Variants in KATNBL1 observed in about 807,000 individuals in gnomAD.
KATNBL1 encodes the protein KATNB1-like protein 1.
Under a neutral mutation model 44.7 loss-of-function variants are expected in KATNBL1, and 28 were observed. That is an observed-to-expected ratio of 0.63 (90% confidence interval 0.46 to 0.86). The LOEUF is 0.86. Among genes scored for constraint, KATNBL1 ranks in the 40% least tolerant of loss-of-function variants. The pLI, the probability that KATNBL1 is intolerant of heterozygous loss-of-function variation, is 0.00. For missense variants in KATNBL1, 272 were observed against 350.7 expected, an observed-to-expected ratio of 0.78 and a Z score of 1.79; for synonymous variants, 78 against 114.9, an observed-to-expected ratio of 0.68 and a Z score of 2.06.
rs58951561 is a variant in KATNBL1 at position 34,193,851 on chromosome 15, C to CAAAAAAAAAAAA, written c.-15+16088_-15+16099dup. On this transcript the variant is annotated intron_variant, in intron 1 of 9. Coordinates refer to ENST00000256544, the MANE Select transcript of KATNBL1 (RefSeq NM_024713.3). ...TGGGTGACAGAGAAAGGCCCTGTCTCAAAAAAAAAAAAAAAAAAAAAAAAA... is the reference window on the plus strand; with the variant it reads ...TGGGTGACAGAGAAAGGCCCTGTCTCAAAAAAAAAAAAAAAAAAAAAAAAAAAAAAAAAAAAA... Among the ~76,000 whole-genome samples, 31 of 63,558 alleles carry CAAAAAAAAAAAA rather than the reference C, an allele frequency of 4.9e-4. 2 individuals are homozygous for CAAAAAAAAAAAA. The highest frequency in any genetic ancestry group is 7.3e-4 in the South Asian group (1 of 1,372). 41.7% of individuals were successfully genotyped at this position (63,558 alleles called of 152,430 possible).
intron 2 of KATNBL1, among the ~76,000 whole-genome samples, chr15:34,157,742 C>T (rs1224239169): frequency 6.6e-6 from 1 of 152,070 alleles, no homozygotes; most frequent in Non-Finnish European, 1.5e-5. Context: ...GCTTAAGTGG[C>T]TTTTTAGAGT....
At position 34,148,620 on chromosome 15, in the gene KATNBL1, G is replaced by C; in HGVS notation, c.557+12C>G. Reference sequence around the variant, plus strand: ...AAGTGATTGAACAAAGAGGATAAAAGGTCACACTTACCTCAACAAATAAGC... The same window carrying C: ...AAGTGATTGAACAAAGAGGATAAAACGTCACACTTACCTCAACAAATAAGC... On this transcript the variant is annotated intron_variant, in intron 5 of 9. Coordinates refer to ENST00000256544, the MANE Select transcript of KATNBL1 (RefSeq NM_024713.3). 1.4e-6 allele frequency: 2 copies of C among 1,390,696 alleles called. No individual in the cohort carries two copies. Among genetic ancestry groups the C allele is most frequent in the Non-Finnish European group, 2.0e-6 (2 of 979,420 alleles). The allele number at this position is 1,390,696 out of a possible 1,614,324, so 86.1% of individuals were successfully genotyped here.
intron 1 of KATNBL1, among the ~76,000 whole-genome samples, chr15:34,197,828 A>G (rs1299846335): frequency 6.6e-6 from 1 of 152,110 alleles, no homozygotes; most frequent in Non-Finnish European, 1.5e-5. Context: ...GCTTACTGCA[A>G]CCTCTGCCTC....
intron 4 of KATNBL1, among the ~76,000 whole-genome samples, chr15:34,148,997 T>C (rs1428708536): frequency 6.6e-6 from 1 of 152,234 alleles, no homozygotes; most frequent in Non-Finnish European, 1.5e-5. Flanking sequence ...AAATTATTTT[T>C]AGCTGACCTA....
chr15:34,171,383 G>A (rs1389632963), intron 1 of KATNBL1, among the ~76,000 whole-genome samples: 1 of 152,198 alleles, frequency 6.6e-6, no homozygotes, highest in East Asian at 1.9e-4. Flanking sequence ...AAACCACAAT[G>A]AGATACCGTC....
At chr15:34,191,304 A>C (rs1323157184) in intron 1 of KATNBL1, among the ~76,000 whole-genome samples, 5 of 151,918 alleles carry the variant, frequency 3.3e-5, no homozygotes, top group African/African-American at 1.2e-4. Context: ...ATAACAGTCT[A>C]TTAGGTGGCT....
At chr15:34,160,166 G>T (rs140228254) in intron 2 of KATNBL1, among the ~76,000 whole-genome samples, 1 of 152,174 alleles carries the variant, frequency 6.6e-6, no homozygotes, top group Admixed American at 6.5e-5. Flanking sequence ...TGAAACATTC[G>T]TTCTGTCCTT....
At position 34,152,802 on chromosome 15, in the gene KATNBL1, C is replaced by T. The variant is rs754192663; in HGVS notation, c.426G>A (p.Gly142=). The T allele has an allele frequency of 1.9e-6, 3 of 1,607,842 alleles. No individual in the cohort carries two copies. The South Asian group carries it at 3.3e-5, about 18-fold the overall frequency. Residue 142 remains glycine (G), a synonymous_variant, in exon 4 of 10, where the codon GGG becomes GGA. Transcript: ENST00000256544. ...AGAAAAGACTTACCTCAGAAAAAAA[C>T]CCACTATATTTTGATGATGGGCTTT... ...QTESPSSKYS[G]FFSEVSQDHE... is the part of the protein sequence containing the mutation.
chr15:34,193,216 C>CA (rs34216208), intron 1 of KATNBL1, among the ~76,000 whole-genome samples: 30,481 of 65,990 alleles, frequency 0.46, 7,870 homozygotes, highest in East Asian at 0.72. Context: ...GACTCCGTCT[C>CA]AAAAAAAAAA....
At chr15:34,209,631 C>T (rs906877092) in intron 1 of KATNBL1, 4 of 152,398 alleles carry the variant, frequency 2.6e-5, no homozygotes, top group African/African-American at 9.6e-5. Context: ...CTGTCCTTCC[C>T]CTTCCCCAGG....
At chr15:34,181,805 TACATATATAC>T (rs1889562888) in intron 1 of KATNBL1, among the ~76,000 whole-genome samples, 2 of 77,948 alleles carry the variant, frequency 2.6e-5, no homozygotes, top group Admixed American at 1.2e-4. Flanking sequence ...TCCATATATA[TACATATATAC>T]ATGTCCATAT....
intron 9 of KATNBL1, chr15:34,142,982 T>C: frequency 1.0e-6 from 1 of 982,284 alleles, no homozygotes; most frequent in Non-Finnish European, 1.4e-6. Context: ...AGTACTGGGA[T>C]TACAGGCATG....
At chr15:34,151,730 TG>T (rs1348685994) in intron 4 of KATNBL1, among the ~76,000 whole-genome samples, 1 of 152,108 alleles carries the variant, frequency 6.6e-6, no homozygotes, top group Non-Finnish European at 1.5e-5. Flanking sequence ...AGCTAATTTT[TG>T]TATTTCTAGT....
chr15:34,160,021 T>C (rs1262280605), intron 2 of KATNBL1, among the ~76,000 whole-genome samples: 6 of 152,212 alleles, frequency 3.9e-5, no homozygotes, highest in Non-Finnish European at 8.8e-5. Context: ...TCAAGGGCTG[T>C]TGGTGGGACT....
At chr15:34,186,169 T>C (rs1374684418) in intron 1 of KATNBL1, among the ~76,000 whole-genome samples, 2 of 152,126 alleles carry the variant, frequency 1.3e-5, no homozygotes, top group African/African-American at 2.4e-5. Flanking sequence ...AGGAGGGGCA[T>C]TGTGGGCAAC....
intron 2 of KATNBL1, among the ~76,000 whole-genome samples, chr15:34,163,088 G>A (rs1888857776): frequency 6.9e-6 from 1 of 145,032 alleles, no homozygotes; most frequent in East Asian, 2.0e-4. Context: ...TTGTCACCCA[G>A]GCTAGAATGC....
At chr15:34,143,933 C>A (rs1888230653) in intron 9 of KATNBL1, among the ~76,000 whole-genome samples, 1 of 135,108 alleles carries the variant, frequency 7.4e-6, no homozygotes, top group Non-Finnish European at 1.5e-5. Flanking sequence ...CGCCACCACA[C>A]TCCAGCCTGG....
intron 1 of KATNBL1, among the ~76,000 whole-genome samples, chr15:34,181,505 T>G (rs1245366775): frequency 6.7e-6 from 1 of 149,954 alleles, no homozygotes; most frequent in African/African-American, 2.4e-5. Flanking sequence ...AATAATTAAT[T>G]TTTTAAATTA....
chr15:34,147,620 G>A lies in KATNBL1; in HGVS notation c.558-190C>T, dbSNP rs149971727. Among the ~76,000 whole-genome samples, 22 of 152,104 alleles carry A rather than the reference G, an allele frequency of 1.4e-4. 1 individual carries two copies. Among genetic ancestry groups the A allele is most frequent in the Admixed American group, 3.9e-4 (6 of 15,258 alleles). ...TGTATTCCAGTGTGTGAGCAACTGT[G>A]GGGGTTGGGGGGTGGGACAGAGACA... On this transcript the variant is annotated intron_variant, in intron 5 of 9. Coordinates refer to ENST00000256544, the MANE Select transcript of KATNBL1 (RefSeq NM_024713.3).
Sources: allele counts gnomAD v4.1 joint callset (sites outside exome capture counted in the v4.1 genomes callset), GRCh38; gene constraint gnomAD v4.1.1; transcripts MANE v1.5; gene names NCBI Gene and HGNC (gene_info 2026-07-23, HGNC 2026-07-21).